DLGAP2: variants seen among roughly 807,000 people sequenced by gnomAD.
DLGAP2 encodes the protein disks large-associated protein 2.
A neutral mutation model predicts 100.3 loss-of-function variants in DLGAP2; 26 were observed. The ratio of observed to expected loss-of-function variants is 0.26; its 90% CI spans 0.19 to 0.36. DLGAP2 has a LOEUF of 0.36. DLGAP2 is among the 10% of genes least tolerant of loss of function. The pLI is 1.00. For synonymous variants in DLGAP2, 886 were observed against 630.1 expected (o/e 1.41, Z -6.08); for missense variants, 1,858 against 1,453.2 (o/e 1.28, Z -4.53).
chr8:1,179,642 T>C (rs1221516047), intron 2 of DLGAP2, among the ~76,000 whole-genome samples: 1 of 152,270 alleles, frequency 6.6e-6, no homozygotes, highest in Non-Finnish European at 1.5e-5. Flanking sequence ...GCTGTTTTTC[T>C]ATGTGTATTG....
At chr8:1,379,098 C>T (rs1796030805) in intron 3 of DLGAP2, among the ~76,000 whole-genome samples, 1 of 152,266 alleles carries the variant, frequency 6.6e-6, no homozygotes, top group South Asian at 2.1e-4. Flanking sequence ...GGCTACAAGA[C>T]CAGGAAATGC....
chr8:866,023 TA>T (rs1270683615), intron 1 of DLGAP2, among the ~76,000 whole-genome samples: 1 of 152,238 alleles, frequency 6.6e-6, no homozygotes, highest in Non-Finnish European at 1.5e-5. Flanking sequence ...GGTCTCTTTT[TA>T]AATTTTTTAT....
At chr8:1,553,296 G>T (rs538469290) in intron 5 of DLGAP2, among the ~76,000 whole-genome samples, 1 of 152,100 alleles carries the variant, frequency 6.6e-6, no homozygotes, top group African/African-American at 2.4e-5. Flanking sequence ...ACCTGGCGTC[G>T]CCCGGCCGCA....
intron 1 of DLGAP2, among the ~76,000 whole-genome samples, chr8:785,395 TTCTCTCCTCCCCTCA>T (rs1821820592): frequency 6.9e-6 from 1 of 145,500 alleles, no homozygotes. Flanking sequence ...TGAGACCGGC[TTCTCTCCTCCCCTCA>T]GGTCTCTCTG....
intron 3 of DLGAP2, chr8:1,368,877 A>G (rs1802171555): frequency 6.6e-6 from 1 of 152,200 alleles, no homozygotes; most frequent in South Asian, 2.1e-4. Flanking sequence ...CAAAGGTCAA[A>G]TTGACTGCGA....
chr8:828,191 G>C (rs1401709821), intron 1 of DLGAP2, among the ~76,000 whole-genome samples: 2 of 152,140 alleles, frequency 1.3e-5, no homozygotes, highest in East Asian at 1.9e-4. Flanking sequence ...CAGGAGACAG[G>C]GTTTTGAGAT....
intron 3 of DLGAP2, among the ~76,000 whole-genome samples, chr8:1,415,928 G>A (rs866163446): frequency 1.3e-5 from 2 of 152,208 alleles, no homozygotes; most frequent in Admixed American, 6.5e-5. Flanking sequence ...AAACAGGGTA[G>A]AAACTCCTTG....
intron 6 of DLGAP2, among the ~76,000 whole-genome samples, chr8:1,584,929 A>C (rs1213547803): frequency 6.6e-6 from 1 of 152,142 alleles, no homozygotes. Flanking sequence ...CTCTAGTCTT[A>C]TTCTAACTTT....
At chr8:1,601,947 T>TGTGTGTGTGC (rs1796640137) in intron 6 of DLGAP2, among the ~76,000 whole-genome samples, 1 of 142,972 alleles carries the variant, frequency 7.0e-6, no homozygotes, top group African/African-American at 2.8e-5. Context: ...TTTAACAGGG[T>TGTGTGTGTGC]GTGTGTGTGT....
At chr8:989,040 C>G (rs1340280451) in intron 2 of DLGAP2, among the ~76,000 whole-genome samples, 2 of 152,206 alleles carry the variant, frequency 1.3e-5, no homozygotes, top group African/African-American at 2.4e-5. Flanking sequence ...CTGTCGAGGG[C>G]TCTCCAGGTT....
At chr8:1,118,359 C>G (rs151011106) in intron 2 of DLGAP2, among the ~76,000 whole-genome samples, 1 of 152,288 alleles carries the variant, frequency 6.6e-6, no homozygotes, top group East Asian at 1.9e-4. Flanking sequence ...ATTACATTGT[C>G]TTTGTTCAGT....
intron 1 of DLGAP2, 33 bp downstream of exon 1, chr8:737,858 C>A (rs1372386836): frequency 1.3e-5 from 5 of 375,004 alleles, no homozygotes; most frequent in South Asian, 1.3e-4. Flanking sequence ...GGGAGCCGGG[C>A]GCGGGGCTCC....
intron 6 of DLGAP2, among the ~76,000 whole-genome samples, chr8:1,594,223 G>A (rs182458648): frequency 3.3e-5 from 5 of 152,160 alleles, no homozygotes; most frequent in African/African-American, 1.2e-4. Context: ...GAAAACTCAG[G>A]CAAAGATATT....
intron 2 of DLGAP2, among the ~76,000 whole-genome samples, chr8:1,001,481 T>A (rs536145915): frequency 1.3e-5 from 2 of 152,330 alleles, no homozygotes; most frequent in East Asian, 1.9e-4. Context: ...ATACTATTAT[T>A]GATGAGAGCA....
chr8:1,464,207 A>AGCT (rs1798544081), intron 3 of DLGAP2, among the ~76,000 whole-genome samples: 1 of 84,462 alleles, frequency 1.2e-5, no homozygotes, highest in African/African-American at 5.0e-5. Flanking sequence ...CCAGGACAAC[A>AGCT]CCCTTCCAGG....
intron 2 of DLGAP2, among the ~76,000 whole-genome samples, chr8:1,221,484 G>C (rs936190441): frequency 1.3e-5 from 2 of 152,148 alleles, no homozygotes; most frequent in Non-Finnish European, 2.9e-5. Flanking sequence ...GCCTGATGGG[G>C]TTCCCTTGGT....
At chr8:855,224 T>C (rs548807652) in intron 1 of DLGAP2, among the ~76,000 whole-genome samples, 1 of 152,316 alleles carries the variant, frequency 6.6e-6, no homozygotes, top group South Asian at 2.1e-4. Flanking sequence ...ACTCCAGCTA[T>C]GTTACGCTTT....
chr8:1,181,903 A>G (rs561445843), intron 2 of DLGAP2, among the ~76,000 whole-genome samples: 151 of 152,232 alleles, frequency 9.9e-4, no homozygotes, highest in African/African-American at 3.3e-3. Context: ...CCCAGGACGC[A>G]TTTCTCCTGT....
chr8:1,662,701 A>G (rs536768507), intron 8 of DLGAP2, among the ~76,000 whole-genome samples: 1 of 152,374 alleles, frequency 6.6e-6, no homozygotes, highest in Admixed American at 6.5e-5. Flanking sequence ...CTACCCCACA[A>G]GGTTGTTCTG....
Sources: gnomAD v4.1 joint callset for allele counts (sites outside exome capture counted in the v4.1 genomes callset) on GRCh38, gnomAD v4.1.1 for gene constraint, MANE v1.5 for transcripts, NCBI Gene and HGNC (gene_info 2026-07-23, HGNC 2026-07-21) for gene names.